Variants in TTLL13 observed in about 807,000 individuals in gnomAD.
TTLL13 encodes tubulin tyrosine ligase like 13, also known as tubulin polyglutamylase TTLL13.
the TTLL13 span, among the ~76,000 whole-genome samples, chr15:90,251,381 C>G: frequency 6.6e-6 from 1 of 151,062 alleles, no homozygotes; most frequent in Non-Finnish European, 1.5e-5. Flanking sequence ...GCCTCGGCCT[C>G]CCAAAGTGCT....
the TTLL13 span, chr15:90,263,630 G>A: frequency 1.7e-5 from 10 of 598,390 alleles, no homozygotes; most frequent in East Asian, 2.2e-4. Flanking sequence ...GGAGTATCTG[G>A]TTAAATAGTG....
the TTLL13 span, chr15:90,256,329 C>G: frequency 1.9e-6 from 3 of 1,613,584 alleles, no homozygotes; most frequent in Admixed American, 5.0e-5. Context: ...TCAGCCTTCC[C>G]TAGTCCCCAG....
chr15:90,256,877 G>A, the TTLL13 span, among the ~76,000 whole-genome samples: 38,969 of 151,422 alleles, frequency 0.26, 6,115 homozygotes, highest in East Asian at 0.69. Flanking sequence ...TAGTAGAGAC[G>A]GGGTTTCACC....
At chr15:90,253,477 T>G in the TTLL13 span, 4 of 636,928 alleles carry the variant, frequency 6.3e-6, no homozygotes, top group Non-Finnish European at 1.0e-5. Flanking sequence ...TGTCCCCTTG[T>G]GCAGACAAGA....
chr15:90,264,974 G>A, the TTLL13 span: 1 of 1,532,482 alleles, frequency 6.5e-7, no homozygotes, highest in Non-Finnish European at 8.7e-7. Flanking sequence ...GTAAAAGCAG[G>A]AGGGAAGCAC....
the TTLL13 span, chr15:90,258,212 T>C: frequency 6.2e-7 from 1 of 1,614,236 alleles, no homozygotes; most frequent in Non-Finnish European, 8.5e-7. Context: ...GTGCCTGTTT[T>C]GAAATCCTTG....
At chr15:90,253,932 A>G in the TTLL13 span, among the ~76,000 whole-genome samples, 2 of 152,228 alleles carry the variant, frequency 1.3e-5, no homozygotes, top group Non-Finnish European at 2.9e-5. Context: ...GCCAGGCAGG[A>G]AGTTGAGGAA....
At chr15:90,250,894 A>G in the TTLL13 span, 4 of 1,612,960 alleles carry the variant, frequency 2.5e-6, no homozygotes, top group Middle Eastern at 3.7e-4. Flanking sequence ...GCAGGTAACT[A>G]TTCCCTAGAT....
At chr15:90,262,194 A>G in the TTLL13 span, 2 of 1,526,896 alleles carry the variant, frequency 1.3e-6, no homozygotes, top group Non-Finnish European at 1.8e-6. Flanking sequence ...TGTGCCAGGT[A>G]CTTTGACCGA....
chr15:90,253,706 T>C, the TTLL13 span, among the ~76,000 whole-genome samples: 89 of 152,286 alleles, frequency 5.8e-4, 3 homozygotes, highest in African/African-American at 2.1e-3. Flanking sequence ...GCAGGGCCAG[T>C]TGAATGATCC....
At chr15:90,258,953 T>C in the TTLL13 span, 1 of 1,614,038 alleles carries the variant, frequency 6.2e-7, no homozygotes, top group Non-Finnish European at 8.5e-7. Context: ...GGCATGTGTT[T>C]AGTTCTTCAT....
At chr15:90,250,392 G>A in the TTLL13 span, among the ~76,000 whole-genome samples, 4 of 152,142 alleles carry the variant, frequency 2.6e-5, no homozygotes, top group African/African-American at 9.7e-5. Context: ...TGGATGATTG[G>A]GGCTTGTCAT....
At chr15:90,252,100 C>T in the TTLL13 span, among the ~76,000 whole-genome samples, 1 of 146,132 alleles carries the variant, frequency 6.8e-6, no homozygotes, top group Non-Finnish European at 1.5e-5. Flanking sequence ...AATGCAATGG[C>T]GTGATCTCGA....
At chr15:90,262,332 T>A in the TTLL13 span, 63 of 1,156,270 alleles carry the variant, frequency 5.4e-5, no homozygotes, top group Non-Finnish European at 7.3e-5. Context: ...TTAGTGACTC[T>A]TTTCAGTTTA....
At chr15:90,256,224 G>A in the TTLL13 span, 10 of 1,614,176 alleles carry the variant, frequency 6.2e-6, no homozygotes, top group East Asian at 2.0e-4. Flanking sequence ...CAGGGACGTG[G>A]CATCTTCATT....
At chr15:90,249,729 G>A in the TTLL13 span, 1 of 152,252 alleles carries the variant, frequency 6.6e-6, no homozygotes, top group Non-Finnish European at 1.5e-5. Context: ...GGGAAGAGGG[G>A]ACATGAGCGG....
At chr15:90,265,424 G>A in the TTLL13 span, 8 of 1,289,176 alleles carry the variant, frequency 6.2e-6, no homozygotes, top group Admixed American at 4.0e-5. Flanking sequence ...CTGGGGCGGA[G>A]GGACGGCTCT....
At chr15:90,258,593 A>T in the TTLL13 span, 1 of 670,010 alleles carries the variant, frequency 1.5e-6, no homozygotes. Flanking sequence ...TCTATGGCAG[A>T]GTTTTGTGGC....
the TTLL13 span, among the ~76,000 whole-genome samples, chr15:90,255,039 C>T: frequency 6.6e-6 from 1 of 152,308 alleles, no homozygotes; most frequent in South Asian, 2.1e-4. Context: ...ACAGTGAGTG[C>T]GGCCAGTGAT....
Sources: gnomAD v4.1 joint callset for allele counts (sites outside exome capture counted in the v4.1 genomes callset) on GRCh38, gnomAD v4.1.1 for gene constraint, MANE v1.5 for transcripts, NCBI Gene and HGNC (gene_info 2026-07-23, HGNC 2026-07-21) for gene names.